The following DOCK4 variants were observed in gnomAD, a reference collection of about 807,000 sequenced individuals.
The protein encoded by DOCK4 is dedicator of cytokinesis protein 4.
DOCK4 carries 97 observed loss-of-function variants against 268.1 expected under a neutral mutation model. The ratio of observed to expected loss-of-function variants is 0.36; its 90% CI spans 0.31 to 0.43. DOCK4 has a LOEUF of 0.43. Ranked by LOEUF, DOCK4 falls within the 20% of genes least tolerant of loss-of-function variation. The pLI is 1.00. For synonymous variants in DOCK4, 954 were observed against 887.2 expected, an observed-to-expected ratio of 1.08 and a Z score of -1.34; for missense variants, 2,145 against 2,455.7, an observed-to-expected ratio of 0.87 and a Z score of 2.67.
intron 42 of DOCK4, among the ~76,000 whole-genome samples, chr7:111,751,491 C>T (rs111600450): frequency 2.8e-4 from 43 of 151,974 alleles, no homozygotes; most frequent in Non-Finnish European, 4.7e-4. Context: ...GTTGCCCAGG[C>T]TGGAGTGCAG....
chr7:111,944,438 G>A (rs1261186549), intron 10 of DOCK4, among the ~76,000 whole-genome samples: 3 of 152,046 alleles, frequency 2.0e-5, no homozygotes, highest in Admixed American at 2.0e-4. Flanking sequence ...TTTATACAGA[G>A]CCTTCATTAA....
At position 111,726,137 on chromosome 7, in the gene DOCK4, A is replaced by G. The variant is rs1042029125; in HGVS notation, c.*2137T>C. 2.6e-5 allele frequency: 4 copies of G among 152,612 alleles called. No individual in the cohort carries two copies. Among genetic ancestry groups the G allele is most frequent in the Admixed American group, 2.6e-4 (4 of 15,280 alleles). 9.5% of individuals were successfully genotyped at this position (152,612 alleles called of 1,614,324 possible). On this transcript the variant is annotated 3_prime_UTR_variant, in exon 53 of 53. Transcript: ENST00000428084. The stretch of plus-strand genomic sequence containing the variant: ...AAGATTAATCTGGTAATTTTATTTA[A>G]TATTTACCATTCAGCAGCAACCAAC...
At chr7:112,058,036 T>C (rs1225563809) in intron 1 of DOCK4, among the ~76,000 whole-genome samples, 2 of 147,616 alleles carry the variant, frequency 1.4e-5, no homozygotes. Flanking sequence ...TTTTTTTTTT[T>C]TTTTTTTTTT....
intron 13 of DOCK4, among the ~76,000 whole-genome samples, chr7:111,905,959 T>G (rs1791534396): frequency 6.6e-6 from 1 of 152,120 alleles, no homozygotes; most frequent in African/African-American, 2.4e-5. Context: ...ATGCTAGAAG[T>G]AGAACATCTC....
Position 111,933,517 on chromosome 7 carries a change from A to G in DOCK4, c.1066+2023T>C, listed in dbSNP as rs1018290159. ...TCACCATGTTTGCCAGGATGGTCTC[A>G]ATCTCCTGACCTTGTGATCCACCCG... On this transcript the variant is annotated intron_variant, in intron 12 of 52. Transcript: ENST00000428084. Among the ~76,000 whole-genome samples the G allele has an allele frequency of 3.3e-5, 5 of 151,620 alleles. No individual in the cohort carries two copies. In the South Asian group the frequency reaches 6.2e-4, roughly 19 times the overall value.
intron 1 of DOCK4, among the ~76,000 whole-genome samples, chr7:112,122,631 C>T (rs1812839300): frequency 6.6e-6 from 1 of 152,112 alleles, no homozygotes; most frequent in Admixed American, 6.6e-5. Context: ...TGAGTTTTAA[C>T]CCTCTAGTGT....
chr7:112,098,787 T>C (rs922093042), intron 1 of DOCK4, among the ~76,000 whole-genome samples: 2 of 150,304 alleles, frequency 1.3e-5, no homozygotes, highest in African/African-American at 4.9e-5. Context: ...GCATAATTTA[T>C]ATCTAAATTA....
chr7:112,163,307 C>G (rs1333659048), intron 1 of DOCK4, among the ~76,000 whole-genome samples: 1 of 151,980 alleles, frequency 6.6e-6, no homozygotes. Flanking sequence ...TTCCTCTGTG[C>G]ACAGCATGCT....
At chr7:112,049,605 A>T (rs185158235) in intron 1 of DOCK4, among the ~76,000 whole-genome samples, 232 of 152,302 alleles carry the variant, frequency 1.5e-3, no homozygotes, top group African/African-American at 5.4e-3. Flanking sequence ...GTCATATTGG[A>T]TTAAAAAAGC....
At chr7:111,912,969 T>C (rs1792250524) in intron 13 of DOCK4, among the ~76,000 whole-genome samples, 1 of 145,412 alleles carries the variant, frequency 6.9e-6, no homozygotes, top group African/African-American at 2.5e-5. Flanking sequence ...GAAATTTCCT[T>C]TTTTTTTTTT....
At chr7:111,844,144 G>A (rs1251775148) in intron 25 of DOCK4, among the ~76,000 whole-genome samples, 2 of 152,026 alleles carry the variant, frequency 1.3e-5, no homozygotes, top group African/African-American at 4.8e-5. Flanking sequence ...GTGTGGTGGC[G>A]GGCATCTGTA....
chr7:111,965,211 A>G (rs1797283971), intron 8 of DOCK4, among the ~76,000 whole-genome samples: 1 of 29,744 alleles, frequency 3.4e-5, no homozygotes, highest in Admixed American at 3.7e-4. Context: ...AACAATATTA[A>G]CTTTAAATAT....
At chr7:112,142,259 A>G (rs1815004544) in intron 1 of DOCK4, among the ~76,000 whole-genome samples, 1 of 152,202 alleles carries the variant, frequency 6.6e-6, no homozygotes, top group African/African-American at 2.4e-5. Context: ...GGCAGAGTAT[A>G]GGGCCACAGA....
At chr7:111,869,713 C>T in intron 20 of DOCK4, 58 bp from the exon 21 acceptor site, 1 of 1,372,204 alleles carries the variant, frequency 7.3e-7, no homozygotes. Flanking sequence ...CAATTAAATG[C>T]CAACAAATCC....
chr7:112,200,720 T>TAAAAG (rs1282576365), intron 1 of DOCK4, among the ~76,000 whole-genome samples: 1 of 16,674 alleles, frequency 6.0e-5, no homozygotes, highest in Non-Finnish European at 1.4e-4. Flanking sequence ...TAACAGCCTC[T>TAAAAG]AAAATAAAAA....
At chr7:111,898,422 C>G (rs987788082) in intron 15 of DOCK4, among the ~76,000 whole-genome samples, 1 of 152,226 alleles carries the variant, frequency 6.6e-6, no homozygotes, top group African/African-American at 2.4e-5. Flanking sequence ...ACTTTCTACT[C>G]CCTAGCTGCA....
At chr7:112,078,494 TAGAG>T (rs1449184661) in intron 1 of DOCK4, among the ~76,000 whole-genome samples, 1 of 152,186 alleles carries the variant, frequency 6.6e-6, no homozygotes, top group South Asian at 2.1e-4. Context: ...GCATGGCACA[TAGAG>T]AGACGATTTA....
intron 1 of DOCK4, among the ~76,000 whole-genome samples, chr7:112,005,499 A>G (rs767111640): frequency 4.1e-4 from 63 of 152,238 alleles, no homozygotes; most frequent in Non-Finnish European, 8.5e-4. Context: ...GAATACCATT[A>G]GCCTCATAAT....
intron 30 of DOCK4, among the ~76,000 whole-genome samples, chr7:111,804,605 T>C (rs1586035880): frequency 6.6e-6 from 1 of 152,242 alleles, no homozygotes; most frequent in African/African-American, 2.4e-5. Context: ...ATATTTATTT[T>C]TATTTTTTTT....
Sources: allele counts gnomAD v4.1 joint callset (sites outside exome capture counted in the v4.1 genomes callset), GRCh38; gene constraint gnomAD v4.1.1; transcripts MANE v1.5; gene names NCBI Gene and HGNC (gene_info 2026-07-23, HGNC 2026-07-21).